Variants in CDH7 observed in about 807,000 individuals in gnomAD.
CDH7 encodes the protein cadherin 7.
A neutral mutation model predicts 71.8 loss-of-function variants in CDH7; 25 were observed. The observed-to-expected ratio is 0.35, with a 90% CI of 0.25 to 0.49. The LOEUF is 0.49. Ranked by LOEUF, CDH7 falls within the 20% of genes least tolerant of loss-of-function variation. The pLI is 0.99. For missense variants in CDH7, 862 were observed against 974.6 expected (o/e 0.88, Z 1.54); for synonymous variants, 381 against 363.8 (o/e 1.05, Z -0.54).
chr18:65,828,823 C>A (rs1385278), intron 6 of CDH7, among the ~76,000 whole-genome samples: 147,590 of 152,196 alleles, frequency 0.97, 71,709 homozygotes, highest in East Asian at 1. Flanking sequence ...TGTAGCTTCT[C>A]TGCCTCTTAC....
intron 2 of CDH7, among the ~76,000 whole-genome samples, chr18:65,772,825 G>A (rs867547223): frequency 1.3e-5 from 2 of 152,072 alleles, no homozygotes; most frequent in African/African-American, 2.4e-5. Context: ...AAATACATAC[G>A]AGTGAGTGTG....
chr18:65,856,258 C>A (rs1326883924), intron 7 of CDH7, among the ~76,000 whole-genome samples: 1 of 152,038 alleles, frequency 6.6e-6, no homozygotes, highest in Non-Finnish European at 1.5e-5. Context: ...ATTCCTGACA[C>A]AAACAAAATA....
At chr18:65,874,944 A>C (rs1277943987) in intron 11 of CDH7, among the ~76,000 whole-genome samples, 2 of 152,134 alleles carry the variant, frequency 1.3e-5, no homozygotes, top group African/African-American at 4.8e-5. Flanking sequence ...AGACCAGCTG[A>C]ACACTACACA....
rs1205912596 is a variant in CDH7, at chr18:65,781,753, T to G, written c.210+18701T>G. On this transcript the variant is annotated intron_variant, in intron 2 of 11. Transcript: ENST00000397968. Reference sequence around the variant, plus strand: ...TTTCTAGCTACCCTATTGGTTGATTTCTTTCTTTCTTTCTTTCCTTCCTTC... The same window carrying G: ...TTTCTAGCTACCCTATTGGTTGATTGCTTTCTTTCTTTCTTTCCTTCCTTC... 1.6e-4 allele frequency among the ~76,000 whole-genome samples: 5 copies of G among 30,568 alleles called. No homozygotes were observed. The African/African-American group carries it at 1.9e-3, about 11-fold the overall frequency. The allele number at this position is 30,568 out of a possible 152,430, so 20.1% of individuals were successfully genotyped here. A position where few individuals can be genotyped will look rare whatever the true frequency, so the allele number is the denominator to read the frequency against.
At chr18:65,781,792 T>TTTCTTTCTTTCTA (rs1568181386) in intron 2 of CDH7, among the ~76,000 whole-genome samples, 2 of 68,330 alleles carry the variant, frequency 2.9e-5, no homozygotes, top group Admixed American at 1.3e-4. Context: ...CCTTCCTTCC[T>TTTCTTTCTTTCTA]TCCTTCCTTC....
intron 2 of CDH7, among the ~76,000 whole-genome samples, chr18:65,799,663 G>A (rs1568191581): frequency 2.6e-5 from 4 of 151,400 alleles, no homozygotes; most frequent in East Asian, 2.0e-4. Context: ...GTGACAGAGC[G>A]AGACTCTGTG....
chr18:65,856,924 AG>A (rs1476575244), intron 7 of CDH7, among the ~76,000 whole-genome samples: 1 of 152,020 alleles, frequency 6.6e-6, no homozygotes, highest in African/African-American at 2.4e-5. Flanking sequence ...TTTCAAGAAA[AG>A]GCTTTTACAT....
rs144594711 is a variant in CDH7, at chr18:65,798,708, AAGG to A, written c.211-10990_211-10988del. 9.0e-3 allele frequency among the ~76,000 whole-genome samples: 1,376 copies of A among 152,214 alleles called. 18 individuals carry two copies. Among genetic ancestry groups the A allele is most frequent in the African/African-American group, 0.031 (1,301 of 41,530 alleles). On this transcript the variant is annotated intron_variant, in intron 2 of 11. Transcript: ENST00000397968. ...CATAGTTGTCTTGAGCTAAAGGGAAAAGGAGGAGCTTTAAAGGCTCACAGCAGC... is the reference window on the plus strand; with the variant it reads ...CATAGTTGTCTTGAGCTAAAGGGAAAAGGAGCTTTAAAGGCTCACAGCAGC...
At chr18:65,774,369 A>G (rs1568177563) in intron 2 of CDH7, among the ~76,000 whole-genome samples, 1 of 152,232 alleles carries the variant, frequency 6.6e-6, no homozygotes, top group South Asian at 2.1e-4. Context: ...TTTTTCTTAA[A>G]AAATGTTAAA....
chr18:65,767,782 T>C (rs1444766072), intron 2 of CDH7, among the ~76,000 whole-genome samples: 1 of 152,224 alleles, frequency 6.6e-6, no homozygotes, highest in Non-Finnish European at 1.5e-5. Context: ...TTTTTAGAAA[T>C]ACTTCTTGGC....
At chr18:65,796,469 C>T (rs1385795115) in intron 2 of CDH7, among the ~76,000 whole-genome samples, 4 of 152,188 alleles carry the variant, frequency 2.6e-5, no homozygotes, top group African/African-American at 9.7e-5. Flanking sequence ...ATGCCTTGTG[C>T]AGTTCCTGGG....
At chr18:65,842,201 A>C (rs929016535) in intron 6 of CDH7, among the ~76,000 whole-genome samples, 1 of 152,072 alleles carries the variant, frequency 6.6e-6, no homozygotes, top group African/African-American at 2.4e-5. Context: ...TGATTCAAGA[A>C]AAGGAGGCTC....
At chr18:65,815,319 G>T (rs1162206304) in intron 4 of CDH7, among the ~76,000 whole-genome samples, 1 of 151,780 alleles carries the variant, frequency 6.6e-6, no homozygotes, top group Non-Finnish European at 1.5e-5. Flanking sequence ...GCGAATATTA[G>T]CGGGTGTGTG....
rs189494605 is a variant in CDH7, at chr18:65,790,624, T to G, written c.211-19080T>G. 3.8e-4 allele frequency among the ~76,000 whole-genome samples: 58 copies of G among 152,286 alleles called. No homozygotes were observed. In the Middle Eastern group the frequency reaches 0.017, roughly 45 times the overall value. The stretch of plus-strand genomic sequence containing the variant: ...AACTGATTGCCTGCAATCTCAGCAC[T>G]TTGGGAGGCCAAGGCGGGAGGATCA... On this transcript the variant is annotated intron_variant, in intron 2 of 11. Coordinates refer to ENST00000397968, the MANE Select transcript of CDH7 (RefSeq NM_004361.5).
At chr18:65,876,450 C>A (rs1468198700) in intron 11 of CDH7, among the ~76,000 whole-genome samples, 1 of 152,112 alleles carries the variant, frequency 6.6e-6, no homozygotes, top group East Asian at 1.9e-4. Flanking sequence ...GTTCTTGGAC[C>A]TGTAGGGCCT....
chr18:65,778,143 G>C (rs373619393), intron 2 of CDH7, among the ~76,000 whole-genome samples: 30 of 151,834 alleles, frequency 2.0e-4, no homozygotes, highest in African/African-American at 5.1e-4. Flanking sequence ...GTGGTGACAC[G>C]CACCTGTAAT....
chr18:65,856,925 G>T (rs1276179598), intron 7 of CDH7, among the ~76,000 whole-genome samples: 1 of 151,604 alleles, frequency 6.6e-6, no homozygotes, highest in Admixed American at 6.6e-5. Context: ...TTCAAGAAAA[G>T]GCTTTTACAT....
At chr18:65,761,928 A>G (rs887759671) in intron 1 of CDH7, among the ~76,000 whole-genome samples, 1 of 152,196 alleles carries the variant, frequency 6.6e-6, no homozygotes, top group African/African-American at 2.4e-5. Context: ...AGGCCCTACT[A>G]TGCACAACTC....
At chr18:65,752,029 G>C (rs899539886) in intron 1 of CDH7, among the ~76,000 whole-genome samples, 1 of 152,238 alleles carries the variant, frequency 6.6e-6, no homozygotes, top group Non-Finnish European at 1.5e-5. Flanking sequence ...AGGATTGGGT[G>C]TATCAAGGCT....
Sources: gnomAD v4.1 joint callset for allele counts (sites outside exome capture counted in the v4.1 genomes callset) on GRCh38, gnomAD v4.1.1 for gene constraint, MANE v1.5 for transcripts, NCBI Gene and HGNC (gene_info 2026-07-23, HGNC 2026-07-21) for gene names.